Variants in SNED1 observed in about 807,000 individuals in gnomAD.
SNED1 encodes sushi, nidogen and EGF-like domain-containing protein 1.
SNED1 carries 81 observed loss-of-function variants against 166.7 expected under a neutral mutation model. The observed-to-expected ratio is 0.49, with a 90% CI of 0.41 to 0.58. The LOEUF (loss-of-function observed/expected upper bound fraction) is 0.58, where lower values mean the gene tolerates loss of function less well. Among genes scored for constraint, SNED1 ranks in the 20% least tolerant of loss-of-function variants. The pLI is 0.00. For missense variants in SNED1, 1,604 were observed against 2,000.2 expected (o/e 0.80, Z 3.78); for synonymous variants, 762 against 822.0 (o/e 0.93, Z 1.25).
At chr2:241,079,295 C>T (rs550462306) in intron 27 of SNED1, among the ~76,000 whole-genome samples, 3 of 151,254 alleles carry the variant, frequency 2.0e-5, no homozygotes, top group Non-Finnish European at 4.4e-5. Context: ...GCCTGTAGTC[C>T]CAGCTACTCA....
At chr2:241,035,090 C>T (rs368410652) in intron 4 of SNED1, among the ~76,000 whole-genome samples, 3 of 151,960 alleles carry the variant, frequency 2.0e-5, no homozygotes, top group African/African-American at 2.4e-5. Context: ...AGCCCAGGGA[C>T]ACCTCTCCCT....
chr2:241,010,062 G>A (rs1034978857), intron 1 of SNED1: 1 of 152,248 alleles, frequency 6.6e-6, no homozygotes, highest in South Asian at 2.1e-4. Flanking sequence ...TTCAAAACAA[G>A]CTTCTAAAAC....
intron 1 of SNED1, among the ~76,000 whole-genome samples, chr2:241,012,591 T>C (rs1421034502): frequency 6.6e-6 from 1 of 152,224 alleles, no homozygotes; most frequent in African/African-American, 2.4e-5. Context: ...CACATTTGGG[T>C]CTGCTATTGT....
intron 27 of SNED1, among the ~76,000 whole-genome samples, chr2:241,080,448 G>A (rs1227699126): frequency 6.6e-6 from 1 of 152,180 alleles, no homozygotes; most frequent in Non-Finnish European, 1.5e-5. Flanking sequence ...AGCGGTGTGA[G>A]TGCCAGGCTG....
intron 4 of SNED1, chr2:241,035,667 A>G (rs1424697488): frequency 6.8e-6 from 1 of 146,846 alleles, no homozygotes; most frequent in East Asian, 2.2e-4. Flanking sequence ...CCCAGAGAAC[A>G]CGACAGGGGT....
chr2:241,057,644 A>C (rs1484885766), intron 16 of SNED1, among the ~76,000 whole-genome samples: 36 of 151,978 alleles, frequency 2.4e-4, no homozygotes, highest in Admixed American at 2.4e-3. Flanking sequence ...TGATCATGCC[A>C]CTGCCCTCCA....
chr2:241,040,897 T>C (rs2061504881), intron 8 of SNED1: 1 of 461,264 alleles, frequency 2.2e-6, no homozygotes, highest in African/African-American at 2.0e-5. Context: ...TGTGACTTGT[T>C]AGAGGAATTA....
rs370206927 is a variant in SNED1, at chr2:241,053,141, C to T, written c.2084-12C>T. On this transcript the variant is annotated splice_polypyrimidine_tract_variant and intron_variant, in intron 15 of 31. Coordinates refer to ENST00000310397, the MANE Select transcript of SNED1 (RefSeq NM_001080437.3). ...CACAGGACCGTGCGAGACAGGCTGC[C>T]GTGCCTTGCAGAGGTGGACTGCGGC... The T allele has an allele frequency of 2.7e-5, 44 of 1,605,474 alleles. No individual in the cohort carries two copies. Among genetic ancestry groups the T allele is most frequent in the Middle Eastern group, 1.8e-4 (1 of 5,486 alleles).
At chr2:241,086,405 T>A (rs1283036660) in intron 29 of SNED1, among the ~76,000 whole-genome samples, 1 of 152,172 alleles carries the variant, frequency 6.6e-6, no homozygotes, top group Non-Finnish European at 1.5e-5. Flanking sequence ...TCTCCCCAAC[T>A]TCAATCTCTG....
chr2:241,068,247 G>A lies in SNED1; in HGVS notation c.3194+300G>A. Reference sequence around the variant, plus strand: ...CACTTTCCACACAGATCATGAGAGTGACTTGGCCCCTCAGAGAGCAGCGGC... The same window carrying A: ...CACTTTCCACACAGATCATGAGAGTAACTTGGCCCCTCAGAGAGCAGCGGC... On this transcript the variant is annotated intron_variant, in intron 22 of 31. Coordinates refer to ENST00000310397, the MANE Select transcript of SNED1 (RefSeq NM_001080437.3). This position sits in a 1 kb window ranked among gnomAD's most constrained non-coding sequence, Gnocchi z 5.3. Among the ~76,000 whole-genome samples the A allele has an allele frequency of 6.8e-6, 1 of 147,332 alleles. No homozygotes were observed. The highest frequency in any genetic ancestry group is 1.5e-5 in the Non-Finnish European group (1 of 66,754).
chr2:241,081,025 T>C (rs925030379), intron 27 of SNED1, among the ~76,000 whole-genome samples: 1 of 152,112 alleles, frequency 6.6e-6, no homozygotes, highest in African/African-American at 2.4e-5. Flanking sequence ...GTGGGGACTT[T>C]TTTCTGGGTT....
intron 27 of SNED1, among the ~76,000 whole-genome samples, chr2:241,078,060 G>C (rs1268896909): frequency 6.6e-6 from 1 of 152,176 alleles, no homozygotes; most frequent in Non-Finnish European, 1.5e-5. Context: ...AAGCCAGAAA[G>C]TAGAAACCAC....
At chr2:241,050,248 G>A (rs779064308) in intron 12 of SNED1, among the ~76,000 whole-genome samples, 1 of 152,272 alleles carries the variant, frequency 6.6e-6, no homozygotes, top group East Asian at 1.9e-4. Flanking sequence ...AATTTCCATA[G>A]GATTTTGCTC....
In SNED1 at chr2:241,064,798, C is replaced by A. The variant is rs2062370593; in HGVS notation, c.2600-46C>A. On this transcript the variant is annotated intron_variant, in intron 19 of 31. Coordinates refer to ENST00000310397, the MANE Select transcript of SNED1 (RefSeq NM_001080437.3). This position sits in a 1 kb window ranked among gnomAD's most constrained non-coding sequence, Gnocchi z 7.0. Reference sequence around the variant, plus strand: ...AGCAAGGGCGGGGCTGGAGCAGGGACCCCTGGCCACGCCCCAACATACACT... The same window carrying A: ...AGCAAGGGCGGGGCTGGAGCAGGGAACCCTGGCCACGCCCCAACATACACT... The A allele has an allele frequency of 1.4e-6, 2 of 1,383,222 alleles. No individual in the cohort carries two copies. Among genetic ancestry groups the A allele is most frequent in the Non-Finnish European group, 1.9e-6 (2 of 1,027,752 alleles). The allele number at this position is 1,383,222 out of a possible 1,614,324, so 85.7% of individuals were successfully genotyped here.
At chr2:241,055,364 T>C (rs2062012541) in intron 16 of SNED1, among the ~76,000 whole-genome samples, 1 of 151,930 alleles carries the variant, frequency 6.6e-6, no homozygotes, top group Non-Finnish European at 1.5e-5. Flanking sequence ...ACAGAAAAAG[T>C]TTTAACTTCC....
intron 31 of SNED1, among the ~76,000 whole-genome samples, chr2:241,090,964 C>T (rs974356423): frequency 1.3e-5 from 2 of 152,052 alleles, no homozygotes; most frequent in Non-Finnish European, 2.9e-5. Context: ...CGCGGTCCTT[C>T]ATCGTGCAGT....
chr2:241,073,567 A>G lies in SNED1; in HGVS notation c.3916+203A>G, dbSNP rs2062854600. ...AAGCAGTGGGACCCCACAGACGGGA[A>G]CAGGCCAGGGGGCAGGACCCACCCA... is the stretch of plus-strand genomic sequence containing the variant. On this transcript the variant is annotated intron_variant, in intron 27 of 31. Transcript: ENST00000310397. This position sits in a 1 kb window ranked among gnomAD's most constrained non-coding sequence, Gnocchi z 6.6. 4 of 624,982 alleles carry G rather than the reference A, an allele frequency of 6.4e-6. No homozygotes were observed. In the Admixed American group the frequency reaches 1.0e-4, roughly 16 times the overall value. 38.7% of individuals were successfully genotyped at this position (624,982 alleles called of 1,614,324 possible).
At position 240,998,722 on chromosome 2, in the gene SNED1, G is replaced by A. The variant is rs1456106648; in HGVS notation, c.-116G>A. 7.4e-6 allele frequency: 2 copies of A among 269,272 alleles called. No individual in the cohort carries two copies. The highest frequency in any genetic ancestry group is 1.1e-5 in the Non-Finnish European group (2 of 177,842). 16.7% of individuals were successfully genotyped at this position (269,272 alleles called of 1,614,324 possible). ...CGCGGAGCCCCCGACGGCGCGGCCA[G>A]CGGGCGCGCCCGCGCTCCCCGCACC... On this transcript the variant is annotated 5_prime_UTR_variant, in exon 1 of 32. Coordinates refer to ENST00000310397, the MANE Select transcript of SNED1 (RefSeq NM_001080437.3).
intron 24 of SNED1, among the ~76,000 whole-genome samples, chr2:241,070,767 C>G (rs1413823513): frequency 6.6e-6 from 1 of 152,210 alleles, no homozygotes; most frequent in African/African-American, 2.4e-5. Context: ...CCACTTAGGT[C>G]TTCCAAGTTC....
Sources: allele counts gnomAD v4.1 joint callset (sites outside exome capture counted in the v4.1 genomes callset), GRCh38; gene constraint gnomAD v4.1.1; non-coding constraint Gnocchi (gnomAD v3.1); transcripts MANE v1.5; gene names NCBI Gene and HGNC (gene_info 2026-07-23, HGNC 2026-07-21).